DCC: variants seen among roughly 807,000 people sequenced by gnomAD.
DCC encodes the protein netrin receptor DCC.
DCC carries 58 observed loss-of-function variants against 172.5 expected under a neutral mutation model. The observed-to-expected ratio is 0.34, with a 90% CI of 0.27 to 0.42. The LOEUF (loss-of-function observed/expected upper bound fraction) is 0.42. Ranked by LOEUF, DCC falls within the 10% of genes least tolerant of loss-of-function variation. DCC has a pLI of 1.00. For synonymous variants in DCC, 709 were observed against 644.5 expected (o/e 1.10, Z -1.52); for missense variants, 1,740 against 1,791.0 (o/e 0.97, Z 0.51).
At chr18:52,948,051 G>A (rs1026689983) in intron 5 of DCC, among the ~76,000 whole-genome samples, 10 of 152,108 alleles carry the variant, frequency 6.6e-5, no homozygotes, top group African/African-American at 1.7e-4. Context: ...CTCTGTTGGC[G>A]TTCTAGCTAA....
chr18:53,301,614 C>T (rs2057142964), intron 12 of DCC, among the ~76,000 whole-genome samples: 1 of 151,176 alleles, frequency 6.6e-6, no homozygotes, highest in African/African-American at 2.4e-5. Flanking sequence ...TAAAGACTGC[C>T]TTTTTTTTTC....
intron 2 of DCC, among the ~76,000 whole-genome samples, chr18:52,813,720 C>G (rs1350838303): frequency 6.6e-6 from 1 of 152,116 alleles, no homozygotes; most frequent in African/African-American, 2.4e-5. Context: ...ATTGCCATCC[C>G]TAGTGTGGGT....
At chr18:53,118,038 G>A (rs1197584221) in intron 7 of DCC, among the ~76,000 whole-genome samples, 4 of 151,722 alleles carry the variant, frequency 2.6e-5, no homozygotes, top group Admixed American at 6.6e-5. Context: ...GTCATCTGAC[G>A]TCATCATAAA....
intron 9 of DCC, among the ~76,000 whole-genome samples, chr18:53,191,914 C>T (rs1457312881): frequency 2.6e-5 from 4 of 152,106 alleles, no homozygotes; most frequent in African/African-American, 9.7e-5. Context: ...ACCAGGGTTC[C>T]CGTATTCAGT....
intron 12 of DCC, among the ~76,000 whole-genome samples, chr18:53,255,877 G>C (rs1252374730): frequency 1.3e-5 from 2 of 152,070 alleles, no homozygotes; most frequent in Non-Finnish European, 2.9e-5. Context: ...AGCACCTGTT[G>C]TTTCCTGACT....
intron 12 of DCC, among the ~76,000 whole-genome samples, chr18:53,223,206 C>T (rs879417026): frequency 6.6e-6 from 1 of 152,026 alleles, no homozygotes; most frequent in Non-Finnish European, 1.5e-5. Context: ...TTTCATATTT[C>T]ATATACATAA....
At chr18:53,492,283 C>T (rs2045967832) in intron 26 of DCC, among the ~76,000 whole-genome samples, 1 of 151,898 alleles carries the variant, frequency 6.6e-6, no homozygotes, top group Non-Finnish European at 1.5e-5. Flanking sequence ...CTGATGATAG[C>T]TTTTTTGTTG....
chr18:52,496,570 C>A (rs978873444), intron 1 of DCC, among the ~76,000 whole-genome samples: 3 of 152,068 alleles, frequency 2.0e-5, no homozygotes, highest in Non-Finnish European at 2.9e-5. Flanking sequence ...AGTTGGGGAG[C>A]CTGTAGCTTT....
At chr18:52,961,283 A>C (rs1053147602) in intron 5 of DCC, among the ~76,000 whole-genome samples, 1 of 152,126 alleles carries the variant, frequency 6.6e-6, no homozygotes, top group Non-Finnish European at 1.5e-5. Flanking sequence ...CTAAAACTTA[A>C]AGTATAATAA....
At chr18:52,958,986 G>GT (rs1482735346) in intron 5 of DCC, among the ~76,000 whole-genome samples, 2 of 151,984 alleles carry the variant, frequency 1.3e-5, no homozygotes, top group East Asian at 3.9e-4. Flanking sequence ...TTGTAATTTT[G>GT]TTTTTTAGCT....
chr18:52,724,917 T>A (rs945693971), intron 1 of DCC, among the ~76,000 whole-genome samples: 5 of 152,146 alleles, frequency 3.3e-5, no homozygotes, highest in African/African-American at 1.2e-4. Context: ...AATAAAACTG[T>A]TTTCTCTTCC....
At chr18:53,258,159 C>G (rs1177203094) in intron 12 of DCC, among the ~76,000 whole-genome samples, 1 of 152,198 alleles carries the variant, frequency 6.6e-6, no homozygotes, top group South Asian at 2.1e-4. Flanking sequence ...TTTCAAAAAA[C>G]CAGCTCCTGG....
intron 2 of DCC, among the ~76,000 whole-genome samples, chr18:52,775,272 C>A (rs1025972444): frequency 1.3e-5 from 2 of 152,144 alleles, no homozygotes; most frequent in Non-Finnish European, 2.9e-5. Context: ...GGGGTTCCAA[C>A]CCCATGGCAG....
At chr18:52,854,130 T>G (rs558952560) in intron 2 of DCC, among the ~76,000 whole-genome samples, 21 of 152,338 alleles carry the variant, frequency 1.4e-4, no homozygotes, top group Admixed American at 6.5e-4. Flanking sequence ...TTTATCTGCT[T>G]GATGTCTGTA....
At chr18:52,847,483 A>C (rs1488972190) in intron 2 of DCC, among the ~76,000 whole-genome samples, 1 of 152,214 alleles carries the variant, frequency 6.6e-6, no homozygotes, top group African/African-American at 2.4e-5. Context: ...TATTTTAGCA[A>C]ACAGCATAAT....
chr18:53,106,330 T>C (rs2043247109), intron 7 of DCC, among the ~76,000 whole-genome samples: 1 of 151,958 alleles, frequency 6.6e-6, no homozygotes, highest in Admixed American at 6.6e-5. Flanking sequence ...TGGTTCTTGC[T>C]CGCATTTGGG....
At chr18:52,405,610 A>G (rs1235414983) in intron 1 of DCC, among the ~76,000 whole-genome samples, 1 of 151,210 alleles carries the variant, frequency 6.6e-6, no homozygotes, top group Non-Finnish European at 1.5e-5. Context: ...AATCCAACTT[A>G]CAAGGGATGT....
At chr18:53,476,601 C>T (rs2045765574) in intron 25 of DCC, among the ~76,000 whole-genome samples, 2 of 152,096 alleles carry the variant, frequency 1.3e-5, no homozygotes, top group African/African-American at 4.8e-5. Context: ...GTCCAGTAAA[C>T]CTCTTATTTA....
intron 7 of DCC, among the ~76,000 whole-genome samples, chr18:53,068,964 G>A (rs1456915822): frequency 6.6e-6 from 1 of 151,980 alleles, no homozygotes; most frequent in African/African-American, 2.4e-5. Flanking sequence ...TACTTAATAG[G>A]GACTTATGAA....
Sources: allele counts gnomAD v4.1 joint callset (sites outside exome capture counted in the v4.1 genomes callset), GRCh38; gene constraint gnomAD v4.1.1; transcripts MANE v1.5; gene names NCBI Gene and HGNC (gene_info 2026-07-23, HGNC 2026-07-21).